The following ARFGEF1 variants were observed in gnomAD, a reference collection of about 807,000 sequenced individuals.
The protein encoded by ARFGEF1 is ARF guanine nucleotide exchange factor 1, also known as brefeldin A-inhibited guanine nucleotide-exchange protein 1.
A neutral mutation model predicts 231.0 loss-of-function variants in ARFGEF1; 42 were observed. The observed-to-expected ratio is 0.18, with a 90% CI of 0.14 to 0.24. ARFGEF1 has a LOEUF of 0.24. Ranked by LOEUF, ARFGEF1 falls within the 10% of genes least tolerant of loss-of-function variation. The pLI is 1.00. For synonymous variants in ARFGEF1, 710 were observed against 732.3 expected, an observed-to-expected ratio of 0.97 and a Z score of 0.49; for missense variants, 1,345 against 2,192.0, an observed-to-expected ratio of 0.61 and a Z score of 7.72.
At chr8:67,296,298 C>T (rs1806229756) in intron 5 of ARFGEF1, 133 bp downstream of exon 5, 1 of 833,038 alleles carries the variant, frequency 1.2e-6, no homozygotes, top group African/African-American at 1.7e-5. Flanking sequence ...CACAAATCTC[C>T]AGTAAGTGGA....
At chr8:67,177,070 C>CAAAA (rs36084458) in intron 5 of ARFGEF1, among the ~76,000 whole-genome samples, 9 of 51,850 alleles carry the variant, frequency 1.7e-4, no homozygotes, top group Non-Finnish European at 2.7e-4. Context: ...GACTTAGTCT[C>CAAAA]AAAAAAAAAA....
At chr8:67,245,079 A>C (rs1320966985) in intron 19 of ARFGEF1, among the ~76,000 whole-genome samples, 1 of 150,762 alleles carries the variant, frequency 6.6e-6, no homozygotes, top group Admixed American at 6.6e-5. Flanking sequence ...GACATATTTA[A>C]AGTGCTTATG....
intron 5 of ARFGEF1, chr8:67,177,872 G>C (rs1371274129): frequency 2.9e-6 from 2 of 696,366 alleles, no homozygotes; most frequent in East Asian, 5.0e-5. Context: ...GATAGCTTGA[G>C]AAGTGTTAGT....
intron 14 of ARFGEF1, among the ~76,000 whole-genome samples, chr8:67,263,198 C>T (rs1804707551): frequency 6.6e-6 from 1 of 152,104 alleles, no homozygotes; most frequent in Non-Finnish European, 1.5e-5. Flanking sequence ...GGGAGTCTCC[C>T]TCAGGCTTAA....
downstream of ARFGEF1, chr8:67,195,287 CTGAGTTGTAATGAGTTGGA>C: frequency 1.2e-6 from 1 of 804,710 alleles, no homozygotes; most frequent in Non-Finnish European, 2.2e-6. Context: ...TGGGGAAATG[CTGAGTTGTAATGAGTTGGA>C]CTACAAGAGA....
At position 67,227,248 on chromosome 8, in the gene ARFGEF1, C is replaced by G. The variant is rs1839405529; in HGVS notation, c.3805G>C (p.Ala1269Pro). 1 of 1,612,994 alleles carries G rather than the reference C, an allele frequency of 6.2e-7. No homozygotes were observed. Among genetic ancestry groups the G allele is most frequent in the African/African-American group, 1.3e-5 (1 of 74,856 alleles). Reference protein sequence around the residue: ...CIAQMVNSQAANIRSGWKNIF... With the variant: ...CIAQMVNSQAPNIRSGWKNIF... ...TTCTTCCATCCAGATCGAATGTTAG[C>G]AGCTTGAGAATTAACCATCTGTGCT... The change falls in exon 27 of 39, where the codon GCT becomes CCT. Residue 1269 changes from alanine (A) to proline (P), a missense_variant. Ala to Pro is a conservative substitution (Grantham distance 27). Transcript: ENST00000262215.
At chr8:67,273,150 T>C (rs1805166821) in intron 9 of ARFGEF1, among the ~76,000 whole-genome samples, 2 of 151,996 alleles carry the variant, frequency 1.3e-5, no homozygotes, top group African/African-American at 4.8e-5. Flanking sequence ...CAAACTTAAA[T>C]AGCTTAGCAA....
intron 1 of ARFGEF1, among the ~76,000 whole-genome samples, chr8:67,332,442 T>C (rs1808142100): frequency 6.6e-6 from 1 of 152,208 alleles, no homozygotes; most frequent in African/African-American, 2.4e-5. Context: ...ATGGCTTAAA[T>C]TACTGACACT....
chr8:67,273,685 G>A (rs1805196152), intron 9 of ARFGEF1, among the ~76,000 whole-genome samples: 2 of 152,032 alleles, frequency 1.3e-5, no homozygotes, highest in Admixed American at 6.6e-5. Flanking sequence ...TTCTAAGATG[G>A]CCATTGTGCT....
intron 1 of ARFGEF1, among the ~76,000 whole-genome samples, chr8:67,311,073 C>A (rs1484090208): frequency 6.9e-6 from 1 of 143,986 alleles, no homozygotes; most frequent in Non-Finnish European, 1.5e-5. Flanking sequence ...AGTGAGGAGC[C>A]CCTCTGCCCG....
intron 17 of ARFGEF1, among the ~76,000 whole-genome samples, 174 bp from the exon 18 acceptor site, chr8:67,253,796 T>C (rs987803524): frequency 1.4e-4 from 21 of 151,994 alleles, no homozygotes; most frequent in Admixed American, 6.5e-4. Flanking sequence ...ATGAAGGCAA[T>C]ACAGAAAAGA....
intron 7 of ARFGEF1, 109 bp from the exon 8 acceptor site, chr8:67,277,566 TA>T (rs2128900416): frequency 1.0e-6 from 1 of 957,052 alleles, no homozygotes; most frequent in Admixed American, 2.6e-5. Context: ...CAATGTGAAG[TA>T]AAATATGTAT....
intron 1 of ARFGEF1, among the ~76,000 whole-genome samples, chr8:67,324,223 G>GGAGGAGTTT (rs1807725176): frequency 6.6e-6 from 1 of 152,184 alleles, no homozygotes; most frequent in South Asian, 2.1e-4. Context: ...GAACATGGGA[G>GGAGGAGTTT]GCAGAGTTTG....
chr8:67,216,261 G>C (rs1838927893), intron 33 of ARFGEF1, among the ~76,000 whole-genome samples: 1 of 152,116 alleles, frequency 6.6e-6, no homozygotes. Context: ...GATTTTAGGA[G>C]GTGAGTAGGC....
intron 20 of ARFGEF1, among the ~76,000 whole-genome samples, chr8:67,239,275 G>A (rs956334640): frequency 1.3e-5 from 2 of 151,964 alleles, no homozygotes; most frequent in African/African-American, 4.8e-5. Context: ...CAAAGTGCTG[G>A]GATTACAGGC....
chr8:67,236,368 ATATATATATAT>A (rs1839762723), intron 22 of ARFGEF1, among the ~76,000 whole-genome samples: 291 of 26,158 alleles, frequency 0.011, 12 homozygotes, highest in South Asian at 0.022. Flanking sequence ...AAAAAAAAAT[ATATATATATAT>A]ATATATATAT....
intron 32 of ARFGEF1, among the ~76,000 whole-genome samples, chr8:67,217,360 G>C (rs1479782977): frequency 1.3e-5 from 2 of 148,634 alleles, no homozygotes; most frequent in Admixed American, 1.3e-4. Flanking sequence ...TCATCCCTTA[G>C]AGAAAGATGA....
chr8:67,321,075 C>T (rs1807567237), intron 1 of ARFGEF1, among the ~76,000 whole-genome samples: 1 of 151,756 alleles, frequency 6.6e-6, no homozygotes, highest in African/African-American at 2.4e-5. Context: ...CTGTATCATT[C>T]CACATTTATG....
intron 5 of ARFGEF1, among the ~76,000 whole-genome samples, chr8:67,184,213 A>C (rs2129572668): frequency 6.6e-6 from 1 of 152,344 alleles, no homozygotes; most frequent in African/African-American, 2.4e-5. Context: ...TACATGAAGA[A>C]AGTAGAAAGA....
Sources: gnomAD v4.1 joint callset for allele counts (sites outside exome capture counted in the v4.1 genomes callset) on GRCh38, gnomAD v4.1.1 for gene constraint, MANE v1.5 for transcripts, NCBI Gene and HGNC (gene_info 2026-07-23, HGNC 2026-07-21) for gene names.